The following ERMP1 variants were observed in gnomAD, a reference collection of about 807,000 sequenced individuals.
ERMP1 encodes endoplasmic reticulum metallopeptidase 1.
In ERMP1, 86 loss-of-function variants were observed where a neutral mutation model predicts 92.0. That is an observed-to-expected ratio of 0.93 (90% CI 0.79 to 1.12). ERMP1 has a LOEUF of 1.12. Among genes scored for constraint, ERMP1 ranks in the 50% most tolerant of loss-of-function variants. The probability of loss-of-function intolerance (pLI) is 0.00; values close to 1 mark genes in which losing one functional copy is unlikely to be tolerated. For missense variants in ERMP1, 1,342 were observed against 1,116.3 expected (o/e 1.20, Z -2.88); for synonymous variants, 530 against 412.8 (o/e 1.28, Z -3.44).
At chr9:5,813,441 T>C (rs1335324176) in intron 4 of ERMP1, among the ~76,000 whole-genome samples, 2 of 152,204 alleles carry the variant, frequency 1.3e-5, no homozygotes, top group Non-Finnish European at 2.9e-5. Flanking sequence ...CATTTTCCTA[T>C]GTTGCTAGAT....
chr9:5,792,455 C>T (rs975777814), intron 13 of ERMP1, among the ~76,000 whole-genome samples: 1 of 152,130 alleles, frequency 6.6e-6, no homozygotes, highest in African/African-American at 2.4e-5. Context: ...GCCAAATGCT[C>T]CTGGATCTGA....
intron 6 of ERMP1, among the ~76,000 whole-genome samples, chr9:5,843,446 C>T (rs1322631087): frequency 2.0e-5 from 3 of 152,202 alleles, no homozygotes; most frequent in Non-Finnish European, 2.9e-5. Context: ...TGAGCCCTCA[C>T]CTTTAAGCCC....
intron 6 of ERMP1, among the ~76,000 whole-genome samples, chr9:5,848,049 C>G (rs1471092953): frequency 6.6e-6 from 1 of 152,104 alleles, no homozygotes; most frequent in Non-Finnish European, 1.5e-5. Context: ...CATACAGACA[C>G]TAAATGGCTG....
At chr9:5,816,728 G>T (rs993576615) in intron 4 of ERMP1, among the ~76,000 whole-genome samples, 1 of 152,274 alleles carries the variant, frequency 6.6e-6, no homozygotes, top group African/African-American at 2.4e-5. Flanking sequence ...CAACGGAATG[G>T]ATCAATTGTT....
chr9:5,863,081 G>C (rs1256850234), intron 5 of ERMP1, among the ~76,000 whole-genome samples: 2 of 152,188 alleles, frequency 1.3e-5, no homozygotes, highest in African/African-American at 4.8e-5. Flanking sequence ...AATACCCCTA[G>C]TATCCAATAA....
At position 5,785,188 on chromosome 9, in the gene ERMP1, G is replaced by GAAAT. The variant is rs1827885204; in HGVS notation, c.*1952_*1955dup. On this transcript the variant is annotated 3_prime_UTR_variant, in exon 15 of 15. Coordinates refer to ENST00000339450, the MANE Select transcript of ERMP1 (RefSeq NM_024896.3). ...AACAAAAGACAATGGTTTACACAGGGAAATAACCCTAAGGCAATATGAAAA... is the reference window on the plus strand; with the variant it reads ...AACAAAAGACAATGGTTTACACAGGGAAATAAATAACCCTAAGGCAATATGAAAA... The GAAAT allele has an allele frequency of 6.6e-6, 1 of 152,018 alleles. No individual in the cohort carries two copies. The highest frequency in any genetic ancestry group is 1.5e-5 in the Non-Finnish European group (1 of 67,998). 9.4% of individuals were successfully genotyped at this position (152,018 alleles called of 1,614,324 possible). A position where few individuals can be genotyped will look rare whatever the true frequency, so the allele number is the denominator to read the frequency against.
At position 5,810,190 on chromosome 9, in the gene ERMP1, T is replaced by G; in HGVS notation, c.1369A>C (p.Thr457Pro). The G allele has an allele frequency of 6.2e-7, 1 of 1,614,018 alleles. No homozygotes were observed. Among genetic ancestry groups the G allele is most frequent in the East Asian group, 2.2e-5 (1 of 44,874 alleles). The change falls in exon 8 of 15, where the codon ACT becomes CCT. Residue 457 changes from threonine (T) to proline (P), a missense_variant. Coordinates refer to ENST00000339450, the MANE Select transcript of ERMP1 (RefSeq NM_024896.3). ...KKDFLCGLGI[T>P]LISWFTSLVT... ...AGGCTAGTGAACCAGCTGATCAAAG[T>G]GATGCCAAGTCCACACAAGAAGTCC...
At chr9:5,832,207 AAG>A (rs1483200672) in intron 1 of ERMP1, among the ~76,000 whole-genome samples, 2 of 152,190 alleles carry the variant, frequency 1.3e-5, no homozygotes, top group Non-Finnish European at 2.9e-5. Flanking sequence ...GTGTTCCAGA[AAG>A]AGTTTCTATA....
chr9:5,812,736 A>G, intron 5 of ERMP1, 153 bp downstream of exon 5: 1 of 843,638 alleles, frequency 1.2e-6, no homozygotes, highest in South Asian at 1.5e-5. Flanking sequence ...AGTTTAAAAA[A>G]GGAAACAAAC....
intron 1 of ERMP1, among the ~76,000 whole-genome samples, chr9:5,832,085 TA>T (rs71487835): frequency 0.031 from 4,159 of 135,568 alleles, 106 homozygotes; most frequent in African/African-American, 0.069. Flanking sequence ...TTAAAGGTCT[TA>T]AAAAAAAAAA....
chr9:5,808,409 A>G (rs1303302498), intron 8 of ERMP1, among the ~76,000 whole-genome samples: 1 of 152,264 alleles, frequency 6.6e-6, no homozygotes, highest in Non-Finnish European at 1.5e-5. Flanking sequence ...AGCCACTAAG[A>G]TAAAAATATG....
chr9:5,832,642 G>A lies in ERMP1; in HGVS notation c.338+48C>T, dbSNP rs1251812698. On this transcript the variant is annotated intron_variant, in intron 1 of 14. Transcript: ENST00000339450. The stretch of plus-strand genomic sequence containing the variant: ...GTGCGGTGCCCCGGAGCCTGCGCAG[G>A]AGCCGCAAACGGACGCGCGGGCCGT... 3.8e-6 allele frequency: 5 copies of A among 1,332,624 alleles called. No individual in the cohort carries two copies. The South Asian group carries it at 5.2e-5, about 14-fold the overall frequency. 82.5% of individuals were successfully genotyped at this position (1,332,624 alleles called of 1,614,324 possible).
chr9:5,844,501 T>C (rs1437373680), intron 6 of ERMP1, among the ~76,000 whole-genome samples: 2 of 152,150 alleles, frequency 1.3e-5, no homozygotes, highest in African/African-American at 4.8e-5. Flanking sequence ...CTCAAACCCC[T>C]AGGCTCAAGT....
In ERMP1 at chr9:5,863,312, C is replaced by T. The variant is rs372657677; in HGVS notation, n.3056-3701G>A. 2.6e-4 allele frequency among the ~76,000 whole-genome samples: 40 copies of T among 152,294 alleles called. No homozygotes were observed. In the South Asian group the frequency reaches 5.2e-3, roughly 20 times the overall value. The stretch of plus-strand genomic sequence containing the variant: ...ATGTTGCCAATGACTTTAAAGTAGA[C>T]GATGCCAGAACCTGGGATTTGGCAT... On this transcript the variant is annotated intron_variant and non_coding_transcript_variant, in intron 5 of 6. Coordinates refer to the ERMP1 transcript ENST00000690753.
At chr9:5,836,529 G>C (rs950858844), upstream of ERMP1, among the ~76,000 whole-genome samples, 2 of 152,230 alleles carry the variant, frequency 1.3e-5, no homozygotes, top group African/African-American at 4.8e-5. Flanking sequence ...AATGTAGCTA[G>C]GTGCTGTTGC....
At chr9:5,816,464 G>C (rs1489137179) in intron 4 of ERMP1, among the ~76,000 whole-genome samples, 1 of 152,090 alleles carries the variant, frequency 6.6e-6, no homozygotes, top group African/African-American at 2.4e-5. Flanking sequence ...TGATCAACTT[G>C]GTTGGAAAGT....
At position 5,811,171 on chromosome 9, in the gene ERMP1, T is replaced by C. The variant is rs536948751; in HGVS notation, c.1267A>G (p.Met423Val). The C allele has an allele frequency of 5.6e-6, 9 of 1,613,966 alleles. No homozygotes were observed. In the Admixed American group the frequency reaches 6.7e-5, roughly 12 times the overall value. The change falls in exon 7 of 15, where the codon ATG becomes GTG. Residue 423 changes from methionine (M) to valine (V), a missense_variant. By Grantham distance (21) the Met-to-Val change is conservative. Coordinates refer to ENST00000339450, the MANE Select transcript of ERMP1 (RefSeq NM_024896.3). ...PSRIGSIINYMVVMGVVLYLG... is the reference protein window; with the variant it reads ...PSRIGSIINYVVVMGVVLYLG... The stretch of plus-strand genomic sequence containing the variant: ...TACAAAACAACACCCATTACCACCA[T>C]GTAGTTTATGATTGAGCCAATACGA...
chr9:5,838,224 A>G (rs1482518571), intron 6 of ERMP1, among the ~76,000 whole-genome samples: 1 of 152,218 alleles, frequency 6.6e-6, no homozygotes, highest in African/African-American at 2.4e-5. Flanking sequence ...GAAAGCAATT[A>G]TGGAAGATGT....
In ERMP1 at chr9:5,832,778, G is replaced by T; in HGVS notation, c.250C>A (p.Leu84Met). The T allele has an allele frequency of 6.7e-7, 1 of 1,500,354 alleles. No individual in the cohort carries two copies. The highest frequency in any genetic ancestry group is 8.8e-7 in the Non-Finnish European group (1 of 1,132,946). The allele number at this position is 1,500,354 out of a possible 1,614,324, so 92.9% of individuals were successfully genotyped here. A position where few individuals can be genotyped will look rare whatever the true frequency, so the allele number is the denominator to read the frequency against. ...AGCGAGAGCTGCACCAGCGTCCGCA[G>T]CGCGATCAGGTAGAGCGCGAGCCCC... ...ALGLALYLIA[L>M]RTLVQLSLQQ... is the part of the protein sequence containing the mutation. The change falls in exon 1 of 15, where the codon CTG (leucine) becomes ATG (methionine). Residue 84 changes from leucine to methionine, a missense_variant. By Grantham distance (15) the Leu-to-Met change is conservative. Transcript: ENST00000339450.
Sources: allele counts gnomAD v4.1 joint callset (sites outside exome capture counted in the v4.1 genomes callset), GRCh38; gene constraint gnomAD v4.1.1; transcripts MANE v1.5; gene names NCBI Gene and HGNC (gene_info 2026-07-23, HGNC 2026-07-21).